Variants in SLC18B1 observed in about 807,000 individuals in gnomAD.
SLC18B1 encodes the protein solute carrier family 18 member B1, also known as MFS-type transporter SLC18B1.
Under a neutral mutation model 53.9 loss-of-function variants are expected in SLC18B1, and 62 were observed. The ratio of observed to expected loss-of-function variants is 1.15; its 90% CI spans 0.94 to 1.42. The LOEUF (loss-of-function observed/expected upper bound fraction) is 1.42, where lower values mean the gene tolerates loss of function less well. Among genes scored for constraint, SLC18B1 ranks in the 40% most tolerant of loss-of-function variants. SLC18B1 has a pLI of 0.00. For missense variants in SLC18B1, 598 were observed against 547.3 expected, an observed-to-expected ratio of 1.09 and a Z score of -0.93; for synonymous variants, 217 against 200.9, an observed-to-expected ratio of 1.08 and a Z score of -0.68.
At chr6:132,794,296 G>T (rs923726013) in intron 2 of SLC18B1, among the ~76,000 whole-genome samples, 3 of 151,318 alleles carry the variant, frequency 2.0e-5, no homozygotes, top group Non-Finnish European at 4.4e-5. Flanking sequence ...TACAGACAGG[G>T]TTTCACCATG....
At chr6:132,782,887 G>C (rs1186189122) in intron 6 of SLC18B1, among the ~76,000 whole-genome samples, 3 of 150,756 alleles carry the variant, frequency 2.0e-5, no homozygotes, top group Non-Finnish European at 4.4e-5. Context: ...CAATTCTCCT[G>C]TCTCAGCCTC....
intron 6 of SLC18B1, among the ~76,000 whole-genome samples, chr6:132,782,187 C>CA (rs572176758): frequency 0.099 from 8,855 of 89,708 alleles, 527 homozygotes; most frequent in African/African-American, 0.22. Flanking sequence ...GACTCTGTTT[C>CA]AAAAAAAAAA....
chr6:132,783,368 G>A (rs1781285842), intron 6 of SLC18B1, among the ~76,000 whole-genome samples: 1 of 152,020 alleles, frequency 6.6e-6, no homozygotes, highest in South Asian at 2.1e-4. Flanking sequence ...GTAGACACAG[G>A]GTTTCACCAT....
chr6:132,798,424 G>A lies in SLC18B1; in HGVS notation c.33C>T (p.Arg11=). ...GCAATTCATGGTCACCTCCTGGTGCGCGTGGTCCCTCCAGGTCACCCAGCG... is the reference window on the plus strand; with the variant it reads ...GCAATTCATGGTCACCTCCTGGTGCACGTGGTCCCTCCAGGTCACCCAGCG... MEALGDLEGP[R]APGGDDPAGS... Residue 11 remains arginine (R), a synonymous_variant, in exon 1 of 14, where the codon CGC becomes CGT. Coordinates refer to ENST00000275227, the MANE Select transcript of SLC18B1 (RefSeq NM_052831.3). 1 of 1,532,912 alleles carries A rather than the reference G, an allele frequency of 6.5e-7. No individual in the cohort carries two copies. Among genetic ancestry groups the A allele is most frequent in the Non-Finnish European group, 8.8e-7 (1 of 1,137,860 alleles). The allele number at this position is 1,532,912 out of a possible 1,614,324, so 95.0% of individuals were successfully genotyped here. A position where few individuals can be genotyped will look rare whatever the true frequency, so the allele number is the denominator to read the frequency against.
chr6:132,785,549 C>A (rs1040111149), intron 5 of SLC18B1, among the ~76,000 whole-genome samples: 10 of 152,104 alleles, frequency 6.6e-5, no homozygotes, highest in African/African-American at 2.4e-4. Context: ...CATTGAAATT[C>A]TTTAATCACA....
intron 8 of SLC18B1, among the ~76,000 whole-genome samples, chr6:132,776,105 A>C (rs1379667500): frequency 1.3e-5 from 2 of 152,128 alleles, no homozygotes; most frequent in Admixed American, 1.3e-4. Context: ...ATTTTTTTTT[A>C]AGCATAAGAC....
chr6:132,772,110 AAG>A lies in SLC18B1; in HGVS notation c.1160+20_1160+21del, dbSNP rs1780991468. The A allele has an allele frequency of 1.3e-6, 2 of 1,530,352 alleles. No homozygotes were observed. Among genetic ancestry groups the A allele is most frequent in the Admixed American group, 2.1e-5 (1 of 46,872 alleles). 94.8% of individuals were successfully genotyped at this position (1,530,352 alleles called of 1,614,324 possible). On this transcript the variant is annotated intron_variant, in intron 11 of 13. Transcript: ENST00000275227. The stretch of plus-strand genomic sequence containing the variant: ...TCCATCTCAAAAAAAAAAAAAAAGA[AAG>A]AAATTAAATGACTACTCACCCAATT...
rs1216463973 is a variant in SLC18B1, at chr6:132,770,105, G to A, written c.*165C>T. The A allele has an allele frequency of 3.6e-6, 2 of 553,962 alleles. No homozygotes were observed. Among genetic ancestry groups the A allele is most frequent in the Non-Finnish European group, 3.2e-6 (1 of 309,264 alleles). The allele number at this position is 553,962 out of a possible 1,614,324, so 34.3% of individuals were successfully genotyped here. A position where few individuals can be genotyped will look rare whatever the true frequency, so the allele number is the denominator to read the frequency against. ...GGACAGCTTTTCAGTATCACAGTAA[G>A]TACAGCCCAATACAGGATCATCCAA... On this transcript the variant is annotated 3_prime_UTR_variant, in exon 14 of 14. Coordinates refer to ENST00000275227, the MANE Select transcript of SLC18B1 (RefSeq NM_052831.3).
At chr6:132,794,849 GA>G (rs1177736151) in intron 2 of SLC18B1, among the ~76,000 whole-genome samples, 2 of 152,050 alleles carry the variant, frequency 1.3e-5, no homozygotes, top group East Asian at 3.9e-4. Context: ...ACTAAAAATA[GA>G]AAAAAATAGC....
chr6:132,777,407 A>T (rs1193168668), intron 7 of SLC18B1, among the ~76,000 whole-genome samples: 1 of 152,142 alleles, frequency 6.6e-6, no homozygotes, highest in Non-Finnish European at 1.5e-5. Flanking sequence ...AACAAAAAAG[A>T]TTTATTATAA....
Position 132,770,246 on chromosome 6 carries a change from T to C in SLC18B1, c.*24A>G. 1 of 1,596,588 alleles carries C rather than the reference T, an allele frequency of 6.3e-7. No individual in the cohort carries two copies. The highest frequency in any genetic ancestry group is 1.1e-5 in the South Asian group (1 of 90,664). On this transcript the variant is annotated 3_prime_UTR_variant, in exon 14 of 14. Coordinates refer to ENST00000275227, the MANE Select transcript of SLC18B1 (RefSeq NM_052831.3). The stretch of plus-strand genomic sequence containing the variant: ...GCCAGGAGCATTCATTTCTCAACCT[T>C]GTATCAATCCAGGATCCATCGGACT...
intron 6 of SLC18B1, among the ~76,000 whole-genome samples, chr6:132,782,087 C>T (rs1429208794): frequency 2.6e-5 from 4 of 151,286 alleles, no homozygotes; most frequent in Non-Finnish European, 5.9e-5. Context: ...ACTCGGGAGG[C>T]TGAAGCATGA....
intron 5 of SLC18B1, 75 bp from the exon 6 acceptor site, chr6:132,784,164 A>T (rs7762248): frequency 1.6e-6 from 2 of 1,253,612 alleles, no homozygotes; most frequent in Middle Eastern, 2.1e-4. Context: ...CTTTAAAAAA[A>T]TTTCTATCTT....
chr6:132,770,951 TTAAAAGTA>T lies in SLC18B1; in HGVS notation c.1255-20_1255-13del. The T allele has an allele frequency of 6.2e-7, 1 of 1,612,248 alleles. No homozygotes were observed. Among genetic ancestry groups the T allele is most frequent in the Non-Finnish European group, 8.5e-7 (1 of 1,179,448 alleles). On this transcript the variant is annotated splice_polypyrimidine_tract_variant and intron_variant, in intron 12 of 13. Coordinates refer to ENST00000275227, the MANE Select transcript of SLC18B1 (RefSeq NM_052831.3). ...CCCATGGCTAATCCCTTAAACACAA[TTAAAAGTA>T]CTGATTAATGTAAATTTTCCAAGTC...
intron 4 of SLC18B1, among the ~76,000 whole-genome samples, chr6:132,788,395 G>A (rs1781439098): frequency 1.3e-5 from 2 of 151,596 alleles, no homozygotes; most frequent in Admixed American, 6.6e-5. Flanking sequence ...TTGCTTTGTT[G>A]TCTTTTCAGT....
At chr6:132,783,211 C>T (rs1299129357) in intron 6 of SLC18B1, among the ~76,000 whole-genome samples, 1 of 151,006 alleles carries the variant, frequency 6.6e-6, no homozygotes, top group Non-Finnish European at 1.5e-5. Context: ...GAGTCTCGCT[C>T]TATCACCCAG....
intron 9 of SLC18B1, 23 bp downstream of exon 9, chr6:132,774,199 A>G (rs766208425): frequency 6.9e-5 from 109 of 1,572,010 alleles, no homozygotes; most frequent in Non-Finnish European, 8.2e-5. Context: ...TTGGCCAAAC[A>G]TACAGAAGAA....
rs374499767 is a variant in SLC18B1, at chr6:132,783,792, G to A, written c.658+141C>T. Reference sequence around the variant, plus strand: ...TTACAGAAATTCATATAAACTAATTGCCTACATTACTGAAAAAAGAATCAG... The same window carrying A: ...TTACAGAAATTCATATAAACTAATTACCTACATTACTGAAAAAAGAATCAG... On this transcript the variant is annotated intron_variant, in intron 6 of 13. Transcript: ENST00000275227. 5 of 600,474 alleles carry A rather than the reference G, an allele frequency of 8.3e-6. No homozygotes were observed. The East Asian group carries it at 1.7e-4, about 21-fold the overall frequency. 37.2% of individuals were successfully genotyped at this position (600,474 alleles called of 1,614,324 possible).
Position 132,770,883 on chromosome 6 carries a change from A to G in SLC18B1, c.1304+7T>C. 10 of 1,605,040 alleles carry G rather than the reference A, an allele frequency of 6.2e-6. No homozygotes were observed. Among genetic ancestry groups the G allele is most frequent in the Non-Finnish European group, 8.5e-6 (10 of 1,177,582 alleles). On this transcript the variant is annotated splice_region_variant and intron_variant, in intron 13 of 13. Coordinates refer to ENST00000275227, the MANE Select transcript of SLC18B1 (RefSeq NM_052831.3). ...AGAGAGAAAAAAAGCCCCAAAATTG[A>G]CCATACCTTTTTCTCCTTGAATACT...
Sources: allele counts gnomAD v4.1 joint callset (sites outside exome capture counted in the v4.1 genomes callset), GRCh38; gene constraint gnomAD v4.1.1; transcripts MANE v1.5; gene names NCBI Gene and HGNC (gene_info 2026-07-23, HGNC 2026-07-21).